Variants in GABRB3 observed in about 807,000 individuals in gnomAD.
GABRB3 encodes the protein gamma-aminobutyric acid type A receptor subunit beta3, also known as gamma-aminobutyric acid receptor subunit beta-3.
In GABRB3, 14 loss-of-function variants were observed where a neutral mutation model predicts 52.1. The observed-to-expected ratio is 0.27, with a 90% CI of 0.18 to 0.42. The LOEUF (loss-of-function observed/expected upper bound fraction) is 0.42, where lower values mean the gene tolerates loss of function less well. GABRB3 is among the 10% of genes least tolerant of loss of function. The pLI is 1.00. For synonymous variants in GABRB3, 260 were observed against 232.3 expected (o/e 1.12, Z -1.08); for missense variants, 307 against 609.1 (o/e 0.50, Z 5.22).
At chr15:26,636,379 C>T (rs1244912900) in intron 3 of GABRB3, among the ~76,000 whole-genome samples, 1 of 152,180 alleles carries the variant, frequency 6.6e-6, no homozygotes, top group Non-Finnish European at 1.5e-5. Flanking sequence ...AGACTCTCCA[C>T]CATTCTGGAT....
intron 4 of GABRB3, among the ~76,000 whole-genome samples, chr15:26,607,087 T>C (rs1891866467): frequency 1.3e-5 from 2 of 152,164 alleles, no homozygotes; most frequent in African/African-American, 4.8e-5. Context: ...CCAATCTCGC[T>C]GTTTCTGTAC....
chr15:26,620,552 CA>C (rs770433980), intron 4 of GABRB3, among the ~76,000 whole-genome samples: 7 of 152,166 alleles, frequency 4.6e-5, no homozygotes, highest in Non-Finnish European at 8.8e-5. Context: ...GCCAGGAGAG[CA>C]AGAAACAGAC....
At chr15:26,607,824 T>TA (rs911457358) in intron 4 of GABRB3, among the ~76,000 whole-genome samples, 4 of 151,588 alleles carry the variant, frequency 2.6e-5, no homozygotes, top group Admixed American at 2.0e-4. Flanking sequence ...CAAAAATAAA[T>TA]AAAAAAAGAT....
At chr15:26,725,298 A>C (rs1182814451) in intron 3 of GABRB3, among the ~76,000 whole-genome samples, 8 of 152,160 alleles carry the variant, frequency 5.3e-5, no homozygotes, top group Non-Finnish European at 1.2e-4. Flanking sequence ...AGGCTGATGC[A>C]CAGTCTTTAA....
At chr15:26,714,748 G>C (rs1056903504) in intron 3 of GABRB3, among the ~76,000 whole-genome samples, 4 of 152,134 alleles carry the variant, frequency 2.6e-5, no homozygotes, top group Admixed American at 1.3e-4. Flanking sequence ...GAGGTCCCAA[G>C]ATTTATTTTC....
At position 26,585,709 on chromosome 15, in the gene GABRB3, A is replaced by G. The variant is rs146516760; in HGVS notation, c.462-2295T>C. Among the ~76,000 whole-genome samples the G allele has an allele frequency of 5.3e-5, 8 of 152,296 alleles. No individual in the cohort carries two copies. The East Asian group carries it at 1.4e-3, about 26-fold the overall frequency. Reference sequence around the variant, plus strand: ...AAGTGTGTTCCTTCCAAATGTCATAACACTTCCCCTTATCCATGGAGTCAA... The same window carrying G: ...AAGTGTGTTCCTTCCAAATGTCATAGCACTTCCCCTTATCCATGGAGTCAA... On this transcript the variant is annotated intron_variant, in intron 4 of 8. Transcript: ENST00000311550.
chr15:26,684,118 G>A (rs73370129), intron 3 of GABRB3, among the ~76,000 whole-genome samples: 4,615 of 152,230 alleles, frequency 0.03, 230 homozygotes, highest in African/African-American at 0.1. Flanking sequence ...CAAATGAACA[G>A]CTCCACACTC....
intron 3 of GABRB3, among the ~76,000 whole-genome samples, chr15:26,687,343 T>G (rs2140657950): frequency 6.6e-6 from 1 of 152,346 alleles, no homozygotes; most frequent in South Asian, 2.1e-4. Flanking sequence ...AGAGCTTTAT[T>G]AAATCATATG....
At chr15:26,622,474 T>G (rs1227770162) in intron 3 of GABRB3, among the ~76,000 whole-genome samples, 1 of 152,144 alleles carries the variant, frequency 6.6e-6, no homozygotes, top group East Asian at 1.9e-4. Flanking sequence ...AGATACAAGC[T>G]GAAAACATCA....
chr15:26,765,209 C>T (rs940356547), intron 3 of GABRB3, among the ~76,000 whole-genome samples: 2 of 150,228 alleles, frequency 1.3e-5, no homozygotes, highest in African/African-American at 2.4e-5. Flanking sequence ...AGACACAAAA[C>T]TTTCGGTGTA....
At chr15:26,728,193 T>C (rs1034065260) in intron 3 of GABRB3, among the ~76,000 whole-genome samples, 2 of 152,212 alleles carry the variant, frequency 1.3e-5, no homozygotes, top group Non-Finnish European at 2.9e-5. Flanking sequence ...CTCATTCTAC[T>C]AGGTGAGGCT....
At chr15:26,773,674 G>A, upstream of GABRB3, 2 of 1,574,444 alleles carry the variant, frequency 1.3e-6, no homozygotes, top group South Asian at 1.2e-5. Flanking sequence ...GGGTCCCCAG[G>A]GTCCAGGAGA....
intron 3 of GABRB3, among the ~76,000 whole-genome samples, chr15:26,677,843 A>G (rs1888116535): frequency 1.3e-5 from 2 of 152,210 alleles, no homozygotes; most frequent in Admixed American, 1.3e-4. Context: ...TCAGGGAACT[A>G]AAACTGTCCT....
intron 3 of GABRB3, among the ~76,000 whole-genome samples, chr15:26,639,341 GA>G (rs71420015): frequency 0.021 from 2,620 of 126,062 alleles, 66 homozygotes; most frequent in African/African-American, 0.071. Context: ...GAAAATATTT[GA>G]AAAAAAAAAA....
rs745829408 is a variant in GABRB3 at position 26,691,782 on chromosome 15, C to CAAAG, written c.241-70252_241-70249dup. Among the ~76,000 whole-genome samples, 903 of 145,188 alleles carry CAAAG rather than the reference C, an allele frequency of 6.2e-3. 7 individuals are homozygous for CAAAG. The highest frequency in any genetic ancestry group is 0.025 in the African/African-American group (867 of 34,958). ...CAACAAGTTGAGAAAACAAAGAAAA[C>CAAAG]AAAGAAAGAAAGAAAGGCCTTGCTA... is the stretch of plus-strand genomic sequence containing the variant. On this transcript the variant is annotated intron_variant, in intron 3 of 8. Coordinates refer to ENST00000311550, the MANE Select transcript of GABRB3 (RefSeq NM_000814.6).
intron 3 of GABRB3, among the ~76,000 whole-genome samples, chr15:26,767,603 G>A (rs1488551517): frequency 6.6e-6 from 1 of 152,154 alleles, no homozygotes; most frequent in Admixed American, 6.5e-5. Flanking sequence ...AGCTCCCAAT[G>A]CTGTAAGGCT....
chr15:26,670,531 G>A (rs1036304974), intron 3 of GABRB3, among the ~76,000 whole-genome samples: 3 of 152,148 alleles, frequency 2.0e-5, no homozygotes, highest in South Asian at 2.1e-4. Context: ...GGCCCGTGCC[G>A]ACCGCAGCTC....
intron 3 of GABRB3, among the ~76,000 whole-genome samples, chr15:26,711,824 C>T (rs919963335): frequency 2.6e-5 from 4 of 152,290 alleles, no homozygotes; most frequent in African/African-American, 9.6e-5. Context: ...AATGATTTCA[C>T]AATGCGATCT....
chr15:26,662,346 AAAG>A (rs766152612), intron 3 of GABRB3, among the ~76,000 whole-genome samples: 10 of 152,202 alleles, frequency 6.6e-5, no homozygotes, highest in Non-Finnish European at 1.3e-4. Flanking sequence ...GTTGGGCAGA[AAAG>A]AAGGTTTATC....
Sources: gnomAD v4.1 joint callset for allele counts (sites outside exome capture counted in the v4.1 genomes callset) on GRCh38, gnomAD v4.1.1 for gene constraint, MANE v1.5 for transcripts, NCBI Gene and HGNC (gene_info 2026-07-23, HGNC 2026-07-21) for gene names.